The following RSRC1 variants were observed in gnomAD, a reference collection of about 807,000 sequenced individuals.
The protein encoded by RSRC1 is arginine and serine rich coiled-coil 1, also known as serine/Arginine-related protein 53.
In RSRC1, 39 loss-of-function variants were observed where a neutral mutation model predicts 49.1. That is an observed-to-expected ratio of 0.79 (90% CI 0.61 to 1.04). RSRC1 has a LOEUF of 1.04. RSRC1 is among the 50% of genes least tolerant of loss of function. RSRC1 has a pLI of 0.00. For synonymous variants in RSRC1, 143 were observed against 130.8 expected, an observed-to-expected ratio of 1.09 and a Z score of -0.63; for missense variants, 388 against 402.4, an observed-to-expected ratio of 0.96 and a Z score of 0.31.
chr3:158,173,414 GTTA>G (rs1718999814), intron 3 of RSRC1, among the ~76,000 whole-genome samples: 1 of 151,886 alleles, frequency 6.6e-6, no homozygotes, highest in South Asian at 2.1e-4. Context: ...ACAGTTCGTT[GTTA>G]TTAAGATCTA....
intron 3 of RSRC1, among the ~76,000 whole-genome samples, chr3:158,174,759 A>T (rs1233872463): frequency 6.6e-6 from 1 of 152,076 alleles, no homozygotes; most frequent in Non-Finnish European, 1.5e-5. Flanking sequence ...ATCTTTTAAC[A>T]ATGGATATCT....
At chr3:158,348,583 TA>T (rs5853822) in intron 5 of RSRC1, among the ~76,000 whole-genome samples, 57,256 of 150,342 alleles carry the variant, frequency 0.38, 11,590 homozygotes, top group East Asian at 0.62. Flanking sequence ...TAAATTATTT[TA>T]TTTTTTTTTA....
intron 4 of RSRC1, among the ~76,000 whole-genome samples, chr3:158,249,463 T>A (rs1247423397): frequency 6.6e-6 from 1 of 152,234 alleles, no homozygotes; most frequent in South Asian, 2.1e-4. Flanking sequence ...TGCTGAATAG[T>A]ATTCTATTAA....
chr3:158,455,979 CAAAAAAAAAAAAAAAAA>C (rs765828003), intron 6 of RSRC1, among the ~76,000 whole-genome samples: 55 of 56,518 alleles, frequency 9.7e-4, no homozygotes, highest in South Asian at 1.9e-3. Context: ...GACTCCATCT[CAAAAAAAAAAAAAAAAA>C]AAAAAAAAAA....
intron 6 of RSRC1, among the ~76,000 whole-genome samples, chr3:158,430,433 G>A (rs927418859): frequency 1.3e-5 from 2 of 151,736 alleles, no homozygotes; most frequent in African/African-American, 4.8e-5. Context: ...CTGCTCTCTG[G>A]CTACCTATTA....
At chr3:158,543,514 C>T in intron 9 of RSRC1, 27 bp downstream of exon 9, 6 of 1,577,398 alleles carry the variant, frequency 3.8e-6, no homozygotes, top group South Asian at 1.2e-5. Context: ...TTACGAATGT[C>T]AGTTGAAGTC....
At chr3:158,541,769 T>G (rs1713045554) in intron 8 of RSRC1, among the ~76,000 whole-genome samples, 2 of 152,302 alleles carry the variant, frequency 1.3e-5, no homozygotes, top group South Asian at 4.1e-4. Context: ...ACTTTTTAAT[T>G]TCAGCTTCTG....
intron 3 of RSRC1, among the ~76,000 whole-genome samples, chr3:158,182,970 A>T (rs1290242542): frequency 6.6e-6 from 1 of 152,130 alleles, no homozygotes; most frequent in East Asian, 1.9e-4. Context: ...CTAAGGTCTA[A>T]TTTTATTTTA....
At chr3:158,188,614 T>C (rs1024336851) in intron 3 of RSRC1, among the ~76,000 whole-genome samples, 4 of 151,966 alleles carry the variant, frequency 2.6e-5, no homozygotes, top group East Asian at 1.9e-4. Flanking sequence ...AGTTGTTTCA[T>C]ACATTTTATC....
intron 6 of RSRC1, among the ~76,000 whole-genome samples, chr3:158,455,691 G>A (rs1321116783): frequency 2.0e-5 from 3 of 152,074 alleles, no homozygotes; most frequent in Non-Finnish European, 1.5e-5. Context: ...TTTGGAAGGG[G>A]CAACATGGCC....
intron 3 of RSRC1, among the ~76,000 whole-genome samples, chr3:158,181,163 T>C (rs1027033135): frequency 6.6e-6 from 1 of 152,214 alleles, no homozygotes; most frequent in Admixed American, 6.5e-5. Flanking sequence ...TGAGAATCAT[T>C]GAACTAGATG....
chr3:158,418,411 A>AT (rs1204262297), intron 6 of RSRC1, among the ~76,000 whole-genome samples: 1 of 151,994 alleles, frequency 6.6e-6, no homozygotes. Context: ...TTATATGGAC[A>AT]TTCTCCCAGC....
chr3:158,111,633 A>G, intron 1 of RSRC1, among the ~76,000 whole-genome samples: 1 of 152,164 alleles, frequency 6.6e-6, no homozygotes, highest in Non-Finnish European at 1.5e-5. Context: ...ATTTCTTAAT[A>G]TGTTAGTTTT....
At chr3:158,461,082 A>T in intron 7 of RSRC1, 79 bp downstream of exon 7, 1 of 1,000,364 alleles carries the variant, frequency 1.0e-6, no homozygotes, top group Non-Finnish European at 1.5e-6. Flanking sequence ...ATATAATCTA[A>T]TGCCTTAAGG....
At chr3:158,503,266 C>A (rs1218980226) in intron 7 of RSRC1, among the ~76,000 whole-genome samples, 1 of 152,026 alleles carries the variant, frequency 6.6e-6, no homozygotes, top group African/African-American at 2.4e-5. Context: ...GCTGTGGATA[C>A]CAGCATCTGT....
intron 3 of RSRC1, among the ~76,000 whole-genome samples, chr3:158,170,373 A>G (rs549321218): frequency 6.8e-6 from 1 of 146,218 alleles, no homozygotes; most frequent in African/African-American, 2.6e-5. Context: ...ATTGTATAGT[A>G]TATATGTTTC....
intron 4 of RSRC1, among the ~76,000 whole-genome samples, chr3:158,297,286 C>A (rs1727286906): frequency 6.6e-6 from 1 of 151,948 alleles, no homozygotes; most frequent in African/African-American, 2.4e-5. Flanking sequence ...TGCCACATTT[C>A]AACAAATCTG....
Position 158,177,613 on chromosome 3 carries a change from C to T in RSRC1, c.321-25459C>T, listed in dbSNP as rs118018521. Reference sequence around the variant, plus strand: ...CAATGAGAACACTTGGACACGGGGGCGGGGGAACATCACACACCAGGGCCT... The same window carrying T: ...CAATGAGAACACTTGGACACGGGGGTGGGGGAACATCACACACCAGGGCCT... On this transcript the variant is annotated intron_variant, in intron 3 of 9. Coordinates refer to ENST00000611884, the MANE Select transcript of RSRC1 (RefSeq NM_001271838.2). 2.4e-3 allele frequency among the ~76,000 whole-genome samples: 350 copies of T among 147,430 alleles called. 6 individuals carry two copies. In the East Asian group the frequency reaches 0.06, roughly 25 times the overall value.
chr3:158,295,711 T>C (rs1311058970), intron 4 of RSRC1, among the ~76,000 whole-genome samples: 1 of 152,140 alleles, frequency 6.6e-6, no homozygotes, highest in Admixed American at 6.6e-5. Flanking sequence ...CTCTCAGCCA[T>C]GCCATTCAAA....
Sources: gnomAD v4.1 joint callset for allele counts (sites outside exome capture counted in the v4.1 genomes callset) on GRCh38, gnomAD v4.1.1 for gene constraint, MANE v1.5 for transcripts, NCBI Gene and HGNC (gene_info 2026-07-23, HGNC 2026-07-21) for gene names.